DNAJC27: variants seen among roughly 807,000 people sequenced by gnomAD.
The protein encoded by DNAJC27 is DnaJ heat shock protein family (Hsp40) member C27, also known as dnaJ homolog subfamily C member 27.
In DNAJC27, 25 loss-of-function variants were observed where a neutral mutation model predicts 31.4. That is an observed-to-expected ratio of 0.80 (90% confidence interval 0.58 to 1.11). The LOEUF (loss-of-function observed/expected upper bound fraction) is 1.11. DNAJC27 is among the 50% of genes most tolerant of loss of function. DNAJC27 has a pLI of 0.00. For missense variants in DNAJC27, 356 were observed against 347.3 expected (o/e 1.02, Z -0.20); for synonymous variants, 106 against 112.7 (o/e 0.94, Z 0.37).
At position 24,944,400 on chromosome 2, in the gene DNAJC27, T is replaced by C. The variant is rs550209303; in HGVS notation, c.*3216A>G. 6.6e-6 allele frequency: 1 copy of C among 152,492 alleles called. No individual in the cohort carries two copies. Among genetic ancestry groups the C allele is most frequent in the African/African-American group, 2.4e-5 (1 of 41,494 alleles). The allele number at this position is 152,492 out of a possible 1,614,324, so 9.4% of individuals were successfully genotyped here. A position where few individuals can be genotyped will look rare whatever the true frequency, so the allele number is the denominator to read the frequency against. On this transcript the variant is annotated 3_prime_UTR_variant, in exon 7 of 7. Transcript: ENST00000264711. Reference sequence around the variant, plus strand: ...TAAAAAACTGATTCAGAGCTTGCAGTGGCTGCTTACTTACTCTGGCTATCT... The same window carrying C: ...TAAAAAACTGATTCAGAGCTTGCAGCGGCTGCTTACTTACTCTGGCTATCT...
chr2:24,948,176 G>T (rs991370512), intron 6 of DNAJC27, among the ~76,000 whole-genome samples: 3 of 152,146 alleles, frequency 2.0e-5, no homozygotes, highest in African/African-American at 7.2e-5. Context: ...ACACAGCACA[G>T]ACGGGAAGCA....
rs1665650866 is a variant in DNAJC27 at position 24,946,333 on chromosome 2, C to A, written c.*1283G>T. 6.6e-6 allele frequency: 1 copy of A among 152,240 alleles called. No individual in the cohort carries two copies. 9.4% of individuals were successfully genotyped at this position (152,240 alleles called of 1,614,324 possible). Reference sequence around the variant, plus strand: ...CAAAGGATCCACACTTGCCTCTGATCAACCAGATTCAGGCCAAGGCTTAGA... The same window carrying A: ...CAAAGGATCCACACTTGCCTCTGATAAACCAGATTCAGGCCAAGGCTTAGA... On this transcript the variant is annotated 3_prime_UTR_variant, in exon 7 of 7. Coordinates refer to ENST00000264711, the MANE Select transcript of DNAJC27 (RefSeq NM_016544.3).
intron 2 of DNAJC27, among the ~76,000 whole-genome samples, chr2:24,964,211 G>A (rs1314849731): frequency 6.6e-6 from 1 of 151,992 alleles, no homozygotes; most frequent in South Asian, 2.1e-4. Flanking sequence ...ATGAGGTCAG[G>A]AGATCGAGAC....
At chr2:24,958,495 GA>G in intron 3 of DNAJC27, 1 of 318,164 alleles carries the variant, frequency 3.1e-6, no homozygotes, top group South Asian at 2.8e-5. Context: ...TGATACAATG[GA>G]AAAGAGCACA....
At chr2:24,956,552 C>T (rs571150497) in intron 5 of DNAJC27, among the ~76,000 whole-genome samples, 68 of 152,214 alleles carry the variant, frequency 4.5e-4, no homozygotes, top group African/African-American at 1.6e-3. Flanking sequence ...ATTATACTAG[C>T]GGTGGCAAGG....
chr2:24,948,021 G>A (rs1372284480), intron 6 of DNAJC27, among the ~76,000 whole-genome samples: 1 of 152,064 alleles, frequency 6.6e-6, no homozygotes, highest in East Asian at 1.9e-4. Context: ...ATGAAAACAG[G>A]CAGTACTTGG....
At chr2:24,951,350 T>C (rs1484971499) in intron 6 of DNAJC27, 44 bp downstream of exon 6, 17 of 1,561,262 alleles carry the variant, frequency 1.1e-5, no homozygotes, top group Non-Finnish European at 1.5e-5. Context: ...GATGGAGTCT[T>C]TCTTTATGAT....
chr2:24,951,634 T>G (rs1665776968), intron 5 of DNAJC27, 80 bp from the exon 6 acceptor site: 2 of 1,261,482 alleles, frequency 1.6e-6, no homozygotes, highest in Non-Finnish European at 2.2e-6. Flanking sequence ...CTTAAAAGAC[T>G]TTTAATATAT....
chr2:24,958,846 C>T (rs371629046), intron 3 of DNAJC27, among the ~76,000 whole-genome samples: 21 of 152,202 alleles, frequency 1.4e-4, no homozygotes, highest in Admixed American at 5.2e-4. Flanking sequence ...ATGGGGTTTC[C>T]GGGACAAAGT....
chr2:24,948,601 C>A (rs1471059081), intron 6 of DNAJC27, among the ~76,000 whole-genome samples: 1 of 152,194 alleles, frequency 6.6e-6, no homozygotes, highest in East Asian at 1.9e-4. Flanking sequence ...AGGAAAGGAG[C>A]AGTAGCAGTG....
At chr2:24,961,909 A>T (rs1173993422) in intron 3 of DNAJC27, among the ~76,000 whole-genome samples, 2 of 152,256 alleles carry the variant, frequency 1.3e-5, no homozygotes, top group Non-Finnish European at 2.9e-5. Context: ...TTAGTTGATA[A>T]GGCAGCAGCA....
intron 6 of DNAJC27, among the ~76,000 whole-genome samples, chr2:24,948,367 TAAAG>T (rs570617822): frequency 2.0e-5 from 3 of 151,850 alleles, no homozygotes; most frequent in East Asian, 3.9e-4. Flanking sequence ...AGATAAAAGA[TAAAG>T]AAAGAAATGG....
intron 5 of DNAJC27, among the ~76,000 whole-genome samples, chr2:24,952,989 A>G (rs977580140): frequency 1.3e-5 from 2 of 152,008 alleles, no homozygotes; most frequent in Admixed American, 6.5e-5. Context: ...CCTTGGCTCA[A>G]GTGATCCTGT....
chr2:24,970,857 T>C (rs1299415055), intron 1 of DNAJC27, among the ~76,000 whole-genome samples: 3 of 152,090 alleles, frequency 2.0e-5, no homozygotes, highest in African/African-American at 7.2e-5. Flanking sequence ...TAGTACGGGA[T>C]CATGCTACAC....
At chr2:24,961,133 G>A (rs1024517926) in intron 3 of DNAJC27, among the ~76,000 whole-genome samples, 4 of 152,178 alleles carry the variant, frequency 2.6e-5, no homozygotes, top group Non-Finnish European at 5.9e-5. Context: ...ATGAGCTGAT[G>A]CTCATTTGCC....
At chr2:24,966,690 C>G (rs577936088) in intron 2 of DNAJC27, among the ~76,000 whole-genome samples, 1 of 152,260 alleles carries the variant, frequency 6.6e-6, no homozygotes, top group African/African-American at 2.4e-5. Context: ...AACTCCTGAC[C>G]TCGTTATCCG....
chr2:24,964,416 C>T (rs1271020146), intron 2 of DNAJC27, among the ~76,000 whole-genome samples: 37 of 143,900 alleles, frequency 2.6e-4, no homozygotes, highest in Admixed American at 1.7e-3. Flanking sequence ...AGTAAGACTC[C>T]GTCTCAAAAA....
In DNAJC27 at chr2:24,946,195, T is replaced by A. The variant is rs1230891197; in HGVS notation, c.*1421A>T. On this transcript the variant is annotated 3_prime_UTR_variant, in exon 7 of 7. Transcript: ENST00000264711. ...CAAGGAGGAGACTGTGGTCAGAGAA[T>A]GTATTTTGTAAGCTATAGTTTAAAA... The A allele has an allele frequency of 6.6e-6, 1 of 152,190 alleles. No individual in the cohort carries two copies. Among genetic ancestry groups the A allele is most frequent in the East Asian group, 1.9e-4 (1 of 5,190 alleles). 9.4% of individuals were successfully genotyped at this position (152,190 alleles called of 1,614,324 possible).
chr2:24,969,751 T>C (rs1187942880), intron 1 of DNAJC27, among the ~76,000 whole-genome samples: 1 of 152,230 alleles, frequency 6.6e-6, no homozygotes, highest in African/African-American at 2.4e-5. Flanking sequence ...AGTGCTAGAA[T>C]TACAGGCGTG....
Sources: gnomAD v4.1 joint callset for allele counts (sites outside exome capture counted in the v4.1 genomes callset) on GRCh38, gnomAD v4.1.1 for gene constraint, MANE v1.5 for transcripts, NCBI Gene and HGNC (gene_info 2026-07-23, HGNC 2026-07-21) for gene names.